The following MICAL3 variants were observed in gnomAD, a reference collection of about 807,000 sequenced individuals.
MICAL3 encodes the protein microtubule associated monooxygenase, calponin and LIM domain containing 3, also known as [F-actin]-monooxygenase MICAL3.
Under a neutral mutation model 207.4 loss-of-function variants are expected in MICAL3, and 62 were observed. That is an observed-to-expected ratio of 0.30 (90% CI 0.24 to 0.37). The LOEUF (loss-of-function observed/expected upper bound fraction) is 0.37, where lower values mean the gene tolerates loss of function less well. Among genes scored for constraint, MICAL3 ranks in the 10% least tolerant of loss-of-function variants. The probability of loss-of-function intolerance (pLI) is 1.00; values close to 1 mark genes in which losing one functional copy is unlikely to be tolerated. For synonymous variants in MICAL3, 1,077 were observed against 1,069.3 expected (o/e 1.01, Z -0.14); for missense variants, 2,368 against 2,635.6 (o/e 0.90, Z 2.22).
At chr22:17,874,901 G>A (rs1054492006) in intron 16 of MICAL3, among the ~76,000 whole-genome samples, 1 of 151,534 alleles carries the variant, frequency 6.6e-6, no homozygotes, top group Non-Finnish European at 1.5e-5. Flanking sequence ...GAGGTCTGGC[G>A]TCAACTCAGG....
chr22:17,819,559 G>A (rs1183193264), intron 25 of MICAL3, among the ~76,000 whole-genome samples: 1 of 151,986 alleles, frequency 6.6e-6, no homozygotes, highest in Non-Finnish European at 1.5e-5. Flanking sequence ...TGATCAAATT[G>A]TCCTCCCTAG....
At position 17,808,907 on chromosome 22, in the gene MICAL3, C is replaced by A. The variant is rs1395075789; in HGVS notation, c.5587G>T (p.Glu1863Ter). The A allele has an allele frequency of 1.3e-6, 2 of 1,554,050 alleles. No individual in the cohort carries two copies. ...IIQRQLQQVE[E>*]RQRRLEERGV... is the part of the protein sequence containing the mutation. ...CTTTCCTCCAGCCGCCGCTGCCTCT[C>A]CTCCACCTGCTGCAGCTGCCGCTGG... is the stretch of plus-strand genomic sequence containing the variant. Residue 1863 changes from glutamate to a stop codon, truncating the protein, a stop_gained, in exon 29 of 32, where the codon GAG (glutamate) becomes TAG (stop). Transcript: ENST00000441493. LOFTEE classifies it high-confidence loss of function.
At chr22:17,846,795 T>C (rs1339401477) in intron 19 of MICAL3, among the ~76,000 whole-genome samples, 1 of 152,194 alleles carries the variant, frequency 6.6e-6, no homozygotes, top group Admixed American at 6.5e-5. Context: ...AAGTCTTCAC[T>C]AAGTCAGGGC....
In MICAL3 at chr22:17,952,775, T is replaced by C. The variant is rs77450321; in HGVS notation, c.-74-45889A>G. 1.1e-4 allele frequency among the ~76,000 whole-genome samples: 16 copies of C among 152,292 alleles called. No homozygotes were observed. The East Asian group carries it at 3.1e-3, about 29-fold the overall frequency. On this transcript the variant is annotated intron_variant, in intron 1 of 31. Coordinates refer to ENST00000441493, the MANE Select transcript of MICAL3 (RefSeq NM_015241.3). ...GCCTGATGAGGAAAAGGCTGGTCTA[T>C]GCATGAGGTACTGGAAAGAACACTG...
At chr22:17,881,566 C>A (rs1226205114) in intron 16 of MICAL3, among the ~76,000 whole-genome samples, 1 of 152,114 alleles carries the variant, frequency 6.6e-6, no homozygotes, top group Admixed American at 6.5e-5. Flanking sequence ...CAGGGAGCAA[C>A]AGTTTTCTCA....
In MICAL3 at chr22:17,810,284, C is replaced by T. The variant is rs554263963; in HGVS notation, c.5556+419G>A. ...TTCACCGTGTTAGCCAGGATGGTCT[C>T]AATCTCCTGACCTTGTGATCCGCCC... On this transcript the variant is annotated intron_variant, in intron 28 of 31. Coordinates refer to ENST00000441493, the MANE Select transcript of MICAL3 (RefSeq NM_015241.3). Among the ~76,000 whole-genome samples, 16 of 152,070 alleles carry T rather than the reference C, an allele frequency of 1.1e-4. No homozygotes were observed. The East Asian group carries it at 1.4e-3, about 13-fold the overall frequency.
At chr22:17,930,421 C>G (rs1933185212) in intron 1 of MICAL3, among the ~76,000 whole-genome samples, 1 of 152,172 alleles carries the variant, frequency 6.6e-6, no homozygotes, top group Non-Finnish European at 1.5e-5. Context: ...CCAACAGCAG[C>G]AAAATGATAA....
At chr22:18,011,488 C>T (rs912659204) in intron 1 of MICAL3, among the ~76,000 whole-genome samples, 3 of 151,512 alleles carry the variant, frequency 2.0e-5, no homozygotes, top group Non-Finnish European at 2.9e-5. Context: ...GCGGAGGTTG[C>T]GGTGAGCCGA....
intron 1 of MICAL3, among the ~76,000 whole-genome samples, chr22:18,021,775 G>A (rs1924492681): frequency 6.6e-6 from 1 of 152,194 alleles, no homozygotes; most frequent in African/African-American, 2.4e-5. Flanking sequence ...CACTCCCTCA[G>A]TGGCCCTGGC....
intron 17 of MICAL3, among the ~76,000 whole-genome samples, chr22:17,867,664 T>C (rs535762200): frequency 1.8e-4 from 27 of 152,266 alleles, no homozygotes; most frequent in African/African-American, 5.8e-4. Context: ...GGGACTGGCA[T>C]GTGGCCAAAG....
At chr22:18,008,378 C>T (rs1923535722) in intron 1 of MICAL3, among the ~76,000 whole-genome samples, 1 of 152,192 alleles carries the variant, frequency 6.6e-6, no homozygotes, top group African/African-American at 2.4e-5. Context: ...AGGGAAATCC[C>T]AAGCCATGTG....
intron 1 of MICAL3, among the ~76,000 whole-genome samples, chr22:17,946,253 G>A (rs1934061114): frequency 6.6e-6 from 1 of 152,146 alleles, no homozygotes; most frequent in Non-Finnish European, 1.5e-5. Context: ...TCGGGGGTGG[G>A]CAGGCACCCC....
intron 1 of MICAL3, among the ~76,000 whole-genome samples, chr22:17,916,392 TTTC>T (rs1932518744): frequency 6.6e-6 from 1 of 152,162 alleles, no homozygotes; most frequent in African/African-American, 2.4e-5. Flanking sequence ...AGGACACGTC[TTTC>T]AACACCCAGT....
intron 7 of MICAL3, among the ~76,000 whole-genome samples, chr22:17,897,668 G>A (rs868588688): frequency 1.3e-5 from 2 of 152,048 alleles, no homozygotes; most frequent in Non-Finnish European, 2.9e-5. Flanking sequence ...ATGGGACCAC[G>A]TGAAACACTC....
intron 19 of MICAL3, chr22:17,861,565 G>T: frequency 2.0e-6 from 2 of 985,400 alleles, no homozygotes; most frequent in Middle Eastern, 5.2e-4. Flanking sequence ...CAAGAAACCT[G>T]TAACTAAACT....
At chr22:18,018,656 A>G (rs1376635889) in intron 1 of MICAL3, among the ~76,000 whole-genome samples, 1 of 152,166 alleles carries the variant, frequency 6.6e-6, no homozygotes, top group Non-Finnish European at 1.5e-5. Flanking sequence ...TGGGAGGCGG[A>G]GGTTGTAGTG....
intron 22 of MICAL3, among the ~76,000 whole-genome samples, chr22:17,823,598 C>T (rs894089799): frequency 4.4e-5 from 1 of 22,704 alleles, no homozygotes; most frequent in African/African-American, 4.8e-4. Context: ...GTGACAGTCA[C>T]ACCTAAAATT....
In MICAL3 at chr22:17,791,086, C is replaced by T. The variant is rs1229855812; in HGVS notation, c.5751-15G>A. 6.2e-7 allele frequency: 1 copy of T among 1,609,984 alleles called. No homozygotes were observed. The highest frequency in any genetic ancestry group is 2.2e-5 in the East Asian group (1 of 44,800). ...GCTCCCGGGCACTGAGGAGGCAGGG[C>T]AGGAGGGAGACAAGCCACAGTGACT... On this transcript the variant is annotated splice_polypyrimidine_tract_variant and intron_variant, in intron 30 of 31. Transcript: ENST00000441493.
intron 1 of MICAL3, among the ~76,000 whole-genome samples, chr22:17,935,128 C>T (rs1366547911): frequency 6.6e-6 from 1 of 152,082 alleles, no homozygotes; most frequent in Admixed American, 6.5e-5. Flanking sequence ...CAAGACAATC[C>T]TAAGCAAAAA....
Sources: gnomAD v4.1 joint callset for allele counts (sites outside exome capture counted in the v4.1 genomes callset) on GRCh38, gnomAD v4.1.1 for gene constraint, MANE v1.5 for transcripts, NCBI Gene and HGNC (gene_info 2026-07-23, HGNC 2026-07-21) for gene names.